ATOX1: variants seen among roughly 807,000 people sequenced by gnomAD.
ATOX1 encodes the protein copper transport protein ATOX1.
In ATOX1, 4 loss-of-function variants were observed where a neutral mutation model predicts 7.3. That is an observed-to-expected ratio of 0.55 (90% confidence interval 0.27 to 1.25). The LOEUF (loss-of-function observed/expected upper bound fraction) is 1.25. Ranked by LOEUF, ATOX1 falls within the 50% of genes most tolerant of loss-of-function variation. The probability of loss-of-function intolerance (pLI) is 0.12; values close to 1 mark genes in which losing one functional copy is unlikely to be tolerated. For missense variants in ATOX1, 68 were observed against 81.6 expected, an observed-to-expected ratio of 0.83 and a Z score of 0.64; for synonymous variants, 25 against 28.7, an observed-to-expected ratio of 0.87 and a Z score of 0.41.
intron 2 of ATOX1, among the ~76,000 whole-genome samples, chr5:151,750,776 T>C (rs925963531): frequency 2.0e-5 from 3 of 151,096 alleles, no homozygotes; most frequent in Admixed American, 6.6e-5. Context: ...CCCCCTAAAT[T>C]AGCTGTGAGT....
intron 2 of ATOX1, 72 bp from the exon 3 acceptor site, chr5:151,746,521 G>A: frequency 6.3e-7 from 1 of 1,591,886 alleles, no homozygotes. Flanking sequence ...AAAGAGTTCA[G>A]GCTCTAAATT....
In ATOX1 at chr5:151,758,630, C is replaced by T. The variant is rs1277839067; in HGVS notation, c.-79G>A. 1.5e-6 allele frequency: 2 copies of T among 1,345,708 alleles called. No homozygotes were observed. The highest frequency in any genetic ancestry group is 3.7e-5 in the Admixed American group (1 of 27,272). The allele number at this position is 1,345,708 out of a possible 1,614,324, so 83.4% of individuals were successfully genotyped here. Reference sequence around the variant, plus strand: ...CTCTGGATTCGGAGGGCGGGTTCGGCTGCGCTTCCGAGAGTGCGCACTAGA... The same window carrying T: ...CTCTGGATTCGGAGGGCGGGTTCGGTTGCGCTTCCGAGAGTGCGCACTAGA... On this transcript the variant is annotated 5_prime_UTR_variant, in exon 1 of 4. Coordinates refer to ENST00000313115, the MANE Select transcript of ATOX1 (RefSeq NM_004045.4).
intron 2 of ATOX1, among the ~76,000 whole-genome samples, chr5:151,750,352 G>C (rs913813200): frequency 3.9e-5 from 6 of 152,252 alleles, no homozygotes; most frequent in Admixed American, 3.9e-4. Context: ...GAGGTCAAGA[G>C]TTCAAGACCA....
At position 151,752,109 on chromosome 5, in the gene ATOX1, G is replaced by C. The variant is rs534614419; in HGVS notation, c.7-330C>G. 3 of 607,930 alleles carry C rather than the reference G, an allele frequency of 4.9e-6. No individual in the cohort carries two copies. In the African/African-American group the frequency reaches 5.5e-5, roughly 11 times the overall value. The allele number at this position is 607,930 out of a possible 1,614,324, so 37.7% of individuals were successfully genotyped here. A position where few individuals can be genotyped will look rare whatever the true frequency, so the allele number is the denominator to read the frequency against. On this transcript the variant is annotated intron_variant, in intron 1 of 3. Transcript: ENST00000313115. Reference sequence around the variant, plus strand: ...CAAAACACTGATTCTTGAGCTATGAGCTTTGTCTCAGGGCCACCAGTAACT... The same window carrying C: ...CAAAACACTGATTCTTGAGCTATGACCTTTGTCTCAGGGCCACCAGTAACT...
At chr5:151,748,041 C>T (rs961233772) in intron 2 of ATOX1, among the ~76,000 whole-genome samples, 2 of 152,196 alleles carry the variant, frequency 1.3e-5, no homozygotes, top group Non-Finnish European at 1.5e-5. Context: ...TCTTAAAACA[C>T]TTATAAAAAT....
At chr5:151,753,941 T>G (rs1761981655) in intron 1 of ATOX1, 1 of 152,268 alleles carries the variant, frequency 6.6e-6, no homozygotes, top group Non-Finnish European at 1.5e-5. Context: ...GATTTTCCAG[T>G]GCAGACTGTT....
At chr5:151,747,036 CT>C (rs963677927) in intron 2 of ATOX1, among the ~76,000 whole-genome samples, 40 of 142,210 alleles carry the variant, frequency 2.8e-4, no homozygotes, top group Middle Eastern at 3.6e-3. Context: ...GCCCAGCCAC[CT>C]TTTTTTTTTA....
intron 1 of ATOX1, among the ~76,000 whole-genome samples, chr5:151,756,701 T>C (rs1762021815): frequency 1.3e-5 from 2 of 152,054 alleles, no homozygotes; most frequent in South Asian, 4.2e-4. Flanking sequence ...CTCAAGCTCC[T>C]GCATTAAAGT....
intron 1 of ATOX1, among the ~76,000 whole-genome samples, chr5:151,755,113 T>G (rs1761998217): frequency 6.6e-6 from 1 of 152,078 alleles, no homozygotes; most frequent in Admixed American, 6.6e-5. Context: ...ACTAAAATGT[T>G]TACTATCGGT....
In ATOX1 at chr5:151,746,336, C is replaced by G; in HGVS notation, c.196G>C (p.Gly66Arg). The G allele has an allele frequency of 6.2e-7, 1 of 1,613,544 alleles. No individual in the cohort carries two copies. Among genetic ancestry groups the G allele is most frequent in the Non-Finnish European group, 8.5e-7 (1 of 1,179,724 alleles). ...KKTGKTVSYL[G>R]LE ...GGACCAGGCCCCTGCTACTCAAGGC[C>G]AAGGTAGGAAACAGTCTTTCCTGTT... is the stretch of plus-strand genomic sequence containing the variant. Residue 66 changes from glycine to arginine, a missense_variant, in exon 3 of 4, where the codon GGC becomes CGC. Physicochemically the swap from Gly to Arg is moderately radical, Grantham distance 125. Coordinates refer to ENST00000313115, the MANE Select transcript of ATOX1 (RefSeq NM_004045.4).
rs1195165401 is a variant in ATOX1, at chr5:151,746,365, T to C, written c.167A>G (p.Lys56Arg). The change falls in exon 3 of 4, where the codon AAG (lysine) becomes AGG (arginine). Residue 56 changes from lysine to arginine, a missense_variant. Transcript: ENST00000313115. ...GTAGGAAACAGTCTTTCCTGTTTTC[T>C]TCAGGGTTGCAAGCAGAGTGTCCAT... is the stretch of plus-strand genomic sequence containing the variant. The part of the protein sequence containing the change: ...HSMDTLLATL[K>R]KTGKTVSYLG... 3 of 1,613,832 alleles carry C rather than the reference T, an allele frequency of 1.9e-6. No homozygotes were observed. The African/African-American group carries it at 4.0e-5, about 22-fold the overall frequency.
At chr5:151,743,159 A>G (rs1336822118) in intron 3 of ATOX1, 200 bp from the exon 4 acceptor site, 2 of 152,262 alleles carry the variant, frequency 1.3e-5, no homozygotes, top group East Asian at 3.8e-4. Context: ...CCAGCCCTGC[A>G]CACTGCTCCC....
intron 2 of ATOX1, 137 bp from the exon 3 acceptor site, chr5:151,746,586 T>C: frequency 8.7e-7 from 1 of 1,148,952 alleles, no homozygotes; most frequent in Non-Finnish European, 1.2e-6. Flanking sequence ...GCAAACTTCT[T>C]CTGTAACAGG....
intron 1 of ATOX1, among the ~76,000 whole-genome samples, chr5:151,755,491 A>G (rs533334301): frequency 6.6e-6 from 1 of 152,314 alleles, no homozygotes; most frequent in African/African-American, 2.4e-5. Flanking sequence ...GTACACCGCC[A>G]GCCCTCATAA....
intron 3 of ATOX1, chr5:151,746,020 C>T (rs867414437): frequency 2.2e-5 from 6 of 272,696 alleles, no homozygotes; most frequent in South Asian, 1.9e-4. Context: ...GAACTGCAAC[C>T]CTCAAGTCTG....
At chr5:151,757,794 C>T (rs761629647) in intron 1 of ATOX1, among the ~76,000 whole-genome samples, 1 of 152,198 alleles carries the variant, frequency 6.6e-6, no homozygotes, top group Non-Finnish European at 1.5e-5. Flanking sequence ...TTCAACACGA[C>T]CTGGAATAAG....
At chr5:151,747,739 C>A (rs955043442) in intron 2 of ATOX1, among the ~76,000 whole-genome samples, 3 of 152,184 alleles carry the variant, frequency 2.0e-5, no homozygotes, top group Admixed American at 2.0e-4. Flanking sequence ...CAGGCATGAG[C>A]CACCACACTG....
At chr5:151,750,547 A>G (rs1490317317) in intron 2 of ATOX1, among the ~76,000 whole-genome samples, 1 of 150,376 alleles carries the variant, frequency 6.6e-6, no homozygotes, top group African/African-American at 2.4e-5. Flanking sequence ...TGAGTGATTC[A>G]AAATTAATTT....
chr5:151,750,031 T>A (rs1221651140), intron 2 of ATOX1, among the ~76,000 whole-genome samples: 1 of 152,170 alleles, frequency 6.6e-6, no homozygotes, highest in Non-Finnish European at 1.5e-5. Flanking sequence ...TTATTTAGGG[T>A]TTTAAAAAAG....
Sources: allele counts gnomAD v4.1 joint callset (sites outside exome capture counted in the v4.1 genomes callset), GRCh38; gene constraint gnomAD v4.1.1; transcripts MANE v1.5; gene names NCBI Gene and HGNC (gene_info 2026-07-23, HGNC 2026-07-21).